The following INPP4B variants were observed in gnomAD, a reference collection of about 807,000 sequenced individuals.
INPP4B encodes inositol polyphosphate-4-phosphatase type II B, also known as inositol polyphosphate 4-phosphatase type II.
In INPP4B, 55 loss-of-function variants were observed where a neutral mutation model predicts 122.5. The observed-to-expected ratio is 0.45, with a 90% CI of 0.36 to 0.56. INPP4B has a LOEUF of 0.56. Ranked by LOEUF, INPP4B falls within the 20% of genes least tolerant of loss-of-function variation. The pLI, the probability that INPP4B is intolerant of heterozygous loss-of-function variation, is 0.00. For synonymous variants in INPP4B, 403 were observed against 388.7 expected, an observed-to-expected ratio of 1.04 and a Z score of -0.43; for missense variants, 1,000 against 1,097.7, an observed-to-expected ratio of 0.91 and a Z score of 1.26.
At chr4:142,450,731 A>T (rs1813963883) in intron 3 of INPP4B, among the ~76,000 whole-genome samples, 1 of 152,214 alleles carries the variant, frequency 6.6e-6, no homozygotes. Flanking sequence ...AAGATTACAA[A>T]GTAATTTCTT....
chr4:142,814,454 G>A (rs1411762157), intron 1 of INPP4B, among the ~76,000 whole-genome samples: 1 of 152,070 alleles, frequency 6.6e-6, no homozygotes, highest in African/African-American at 2.4e-5. Context: ...TGAAAACAAA[G>A]ATAGAAAATA....
chr4:142,775,022 T>G (rs1773641466), intron 1 of INPP4B, among the ~76,000 whole-genome samples: 1 of 152,100 alleles, frequency 6.6e-6, no homozygotes, highest in Non-Finnish European at 1.5e-5. Flanking sequence ...GGAATACTGG[T>G]CAAGTATTTT....
chr4:142,071,129 G>C lies in INPP4B; in HGVS notation c.2642+10902C>G, dbSNP rs893556129. On this transcript the variant is annotated intron_variant, in intron 25 of 25. Coordinates refer to ENST00000262992, the MANE Select transcript of INPP4B (RefSeq NM_001101669.3). ...AACCAAAACAGCATGGTACTGGTCC[G>C]AAACAGAGATATAGACCAATGGAAC... is the stretch of plus-strand genomic sequence containing the variant. 4.0e-5 allele frequency among the ~76,000 whole-genome samples: 6 copies of C among 151,888 alleles called. No homozygotes were observed. The South Asian group carries it at 1.2e-3, about 32-fold the overall frequency.
chr4:142,483,182 C>CTTTTT lies in INPP4B; in HGVS notation c.-190-20461_-190-20457dup, dbSNP rs5862604. ...TAATAATGACTGGAGTCAGGCTATGCTTTTTTTTTTTTTTTTTTTTTTTTT... is the reference window on the plus strand; with the variant it reads ...TAATAATGACTGGAGTCAGGCTATGCTTTTTTTTTTTTTTTTTTTTTTTTTTTTTT... On this transcript the variant is annotated intron_variant, in intron 2 of 25. Transcript: ENST00000262992. Among the ~76,000 whole-genome samples, 12 of 48,334 alleles carry CTTTTT rather than the reference C, an allele frequency of 2.5e-4. 2 individuals are homozygous for CTTTTT. The highest frequency in any genetic ancestry group is 7.9e-4 in the African/African-American group (8 of 10,092). 31.7% of individuals were successfully genotyped at this position (48,334 alleles called of 152,430 possible).
chr4:142,706,116 T>C (rs1205789252), intron 2 of INPP4B, among the ~76,000 whole-genome samples: 1 of 152,214 alleles, frequency 6.6e-6, no homozygotes, highest in Non-Finnish European at 1.5e-5. Flanking sequence ...CTAAACTTCA[T>C]GCTTTTACAT....
chr4:142,706,824 A>G (rs1311727613), intron 2 of INPP4B, among the ~76,000 whole-genome samples: 1 of 152,248 alleles, frequency 6.6e-6, no homozygotes, highest in African/African-American at 2.4e-5. Flanking sequence ...TAAAGACGCT[A>G]AATATTGCTC....
At chr4:142,295,533 C>G (rs560753848) in intron 9 of INPP4B, among the ~76,000 whole-genome samples, 68 of 152,288 alleles carry the variant, frequency 4.5e-4, no homozygotes, top group African/African-American at 1.5e-3. Flanking sequence ...TCTTCTAAAT[C>G]AGCATTTTCT....
chr4:142,127,467 A>C (rs1799139089), intron 18 of INPP4B, among the ~76,000 whole-genome samples: 2 of 100,902 alleles, frequency 2.0e-5, no homozygotes, highest in South Asian at 3.5e-4. Flanking sequence ...ATCAGATGAC[A>C]AAAAAAACAA....
intron 2 of INPP4B, among the ~76,000 whole-genome samples, chr4:142,627,984 A>G (rs1435897952): frequency 6.6e-6 from 1 of 151,986 alleles, no homozygotes; most frequent in East Asian, 1.9e-4. Context: ...GTCTTGGAAG[A>G]GTGTATGTGT....
chr4:142,449,417 T>C (rs191160793), intron 3 of INPP4B, among the ~76,000 whole-genome samples: 3 of 152,266 alleles, frequency 2.0e-5, no homozygotes, highest in Admixed American at 2.0e-4. Flanking sequence ...AGAATGTACA[T>C]TTTAGGCCAG....
At chr4:142,096,612 C>G (rs144357757) in intron 23 of INPP4B, among the ~76,000 whole-genome samples, 1 of 151,988 alleles carries the variant, frequency 6.6e-6, no homozygotes, top group South Asian at 2.1e-4. Context: ...AACAGAAGTG[C>G]TTCTAAAGAT....
intron 14 of INPP4B, among the ~76,000 whole-genome samples, chr4:142,205,448 A>C (rs549395617): frequency 6.6e-6 from 1 of 152,044 alleles, no homozygotes. Context: ...TTTAATCTAA[A>C]CCTGGCTATT....
At chr4:142,729,540 G>C (rs1049142723) in intron 1 of INPP4B, among the ~76,000 whole-genome samples, 2 of 152,062 alleles carry the variant, frequency 1.3e-5, no homozygotes. Context: ...GGAAACAAGA[G>C]GTAAATGAAG....
chr4:142,094,402 C>T (rs573628559), intron 23 of INPP4B, among the ~76,000 whole-genome samples: 11 of 152,274 alleles, frequency 7.2e-5, no homozygotes, highest in Non-Finnish European at 1.2e-4. Context: ...CATTTTACCC[C>T]AATGATAGCC....
intron 25 of INPP4B, among the ~76,000 whole-genome samples, chr4:142,068,330 A>G (rs927579254): frequency 3.3e-5 from 5 of 152,244 alleles, no homozygotes; most frequent in African/African-American, 1.2e-4. Flanking sequence ...TCCTCAAGGA[A>G]GCACTAAACA....
intron 25 of INPP4B, among the ~76,000 whole-genome samples, chr4:142,044,412 T>C (rs1416972969): frequency 1.3e-5 from 2 of 151,776 alleles, no homozygotes; most frequent in South Asian, 4.1e-4. Context: ...TAAGTAAGTA[T>C]GTGTCAAATG....
intron 25 of INPP4B, among the ~76,000 whole-genome samples, chr4:142,043,396 A>C (rs1372755218): frequency 6.6e-6 from 1 of 152,228 alleles, no homozygotes; most frequent in Non-Finnish European, 1.5e-5. Context: ...GGTACAGCTC[A>C]AAATGCTTTA....
intron 1 of INPP4B, among the ~76,000 whole-genome samples, chr4:142,778,977 T>C (rs1165474817): frequency 6.6e-6 from 1 of 152,038 alleles, no homozygotes. Context: ...TCCCTCCCCA[T>C]GAATATAGGA....
chr4:142,396,668 G>A (rs1343740428), intron 7 of INPP4B, among the ~76,000 whole-genome samples: 4 of 152,186 alleles, frequency 2.6e-5, no homozygotes, highest in Middle Eastern at 6.8e-3. Flanking sequence ...GTTCATAGAT[G>A]TTTTATTCAT....
Sources: gnomAD v4.1 joint callset for allele counts (sites outside exome capture counted in the v4.1 genomes callset) on GRCh38, gnomAD v4.1.1 for gene constraint, MANE v1.5 for transcripts, NCBI Gene and HGNC (gene_info 2026-07-23, HGNC 2026-07-21) for gene names.